JMY: variants seen among roughly 807,000 people sequenced by gnomAD.
JMY encodes junction-mediating and -regulatory protein.
JMY carries 46 observed loss-of-function variants against 103.3 expected under a neutral mutation model. The observed-to-expected ratio is 0.45, with a 90% CI of 0.35 to 0.57. JMY has a LOEUF of 0.57. Ranked by LOEUF, JMY falls within the 20% of genes least tolerant of loss-of-function variation. JMY has a pLI of 0.00. For missense variants in JMY, 1,238 were observed against 1,255.2 expected (o/e 0.99, Z 0.21); for synonymous variants, 526 against 489.3 (o/e 1.07, Z -0.99).
intron 2 of JMY, 92 bp from the exon 3 acceptor site, chr5:79,290,029 A>C: frequency 1.2e-6 from 1 of 844,062 alleles, no homozygotes; most frequent in South Asian, 2.7e-5. Context: ...AGGGAAGAAC[A>C]AGTATTCTTT....
chr5:79,242,684 A>G (rs1372251189), intron 1 of JMY, among the ~76,000 whole-genome samples: 3 of 152,140 alleles, frequency 2.0e-5, no homozygotes, highest in Non-Finnish European at 4.4e-5. Context: ...TTCTTAATCC[A>G]AGGGACTGTA....
intron 7 of JMY, among the ~76,000 whole-genome samples, chr5:79,307,997 A>G (rs1051312484): frequency 1.3e-5 from 2 of 152,216 alleles, no homozygotes; most frequent in East Asian, 1.9e-4. Flanking sequence ...TTGGCCTCCA[A>G]ATGTGCTGGG....
At chr5:79,260,014 C>T (rs1020801265) in intron 1 of JMY, among the ~76,000 whole-genome samples, 2 of 152,202 alleles carry the variant, frequency 1.3e-5, no homozygotes, top group Admixed American at 6.5e-5. Flanking sequence ...CCTCAGTGCC[C>T]GACTGTACTG....
At chr5:79,243,169 G>GAAGGGGC (rs112427722) in intron 1 of JMY, among the ~76,000 whole-genome samples, 1,943 of 151,874 alleles carry the variant, frequency 0.013, 40 homozygotes, top group African/African-American at 0.043. Context: ...TTATTTAACT[G>GAAGGGGC]AAGGGGCAAG....
chr5:79,251,818 A>T (rs1745092509), intron 1 of JMY, among the ~76,000 whole-genome samples: 1 of 151,998 alleles, frequency 6.6e-6, no homozygotes, highest in Admixed American at 6.6e-5. Context: ...CTTGTTGCCC[A>T]GGCTGGAGTG....
intron 1 of JMY, among the ~76,000 whole-genome samples, chr5:79,276,247 G>A (rs927138333): frequency 1.1e-4 from 16 of 151,444 alleles, no homozygotes; most frequent in African/African-American, 3.9e-4. Context: ...GCCTCCCAAG[G>A]AGCTGGGATT....
chr5:79,317,011 C>CGGCCTGG (rs1747249369), intron 10 of JMY, among the ~76,000 whole-genome samples: 1 of 151,404 alleles, frequency 6.6e-6, no homozygotes, highest in Non-Finnish European at 1.5e-5. Context: ...CGTTCAAATC[C>CGGCCTGG]GGCCTGGGCA....
chr5:79,246,861 G>T (rs1397009437), intron 1 of JMY, among the ~76,000 whole-genome samples: 20 of 151,328 alleles, frequency 1.3e-4, no homozygotes. Context: ...TAGCCTGGGC[G>T]ACAGAGCAAG....
At chr5:79,241,598 G>T (rs1424218365) in intron 1 of JMY, among the ~76,000 whole-genome samples, 1 of 152,186 alleles carries the variant, frequency 6.6e-6, no homozygotes, top group Non-Finnish European at 1.5e-5. Context: ...GGGGCGTCCT[G>T]CCGAGTTTTA....
intron 1 of JMY, among the ~76,000 whole-genome samples, chr5:79,260,296 G>A (rs1212771127): frequency 1.3e-5 from 2 of 152,156 alleles, no homozygotes; most frequent in Non-Finnish European, 2.9e-5. Flanking sequence ...GTTCAGTCAG[G>A]TGCCTCCAGG....
At position 79,270,612 on chromosome 5, in the gene JMY, ATGTT is replaced by A. The variant is rs557265894; in HGVS notation, c.1033-7296_1033-7293del. Among the ~76,000 whole-genome samples, 907 of 133,000 alleles carry A rather than the reference ATGTT, an allele frequency of 6.8e-3. 48 individuals are homozygous for A. The highest frequency in any genetic ancestry group is 0.014 in the South Asian group (61 of 4,286). The allele number at this position is 133,000 out of a possible 152,430, so 87.3% of individuals were successfully genotyped here. ...ATATTTAAAATGTATATTTACATAA[ATGTT>A]TATATAAAATATATTTACATAAATA... On this transcript the variant is annotated intron_variant, in intron 1 of 10. Coordinates refer to ENST00000396137, the MANE Select transcript of JMY (RefSeq NM_152405.5).
chr5:79,270,583 A>G (rs1745742246), intron 1 of JMY, among the ~76,000 whole-genome samples: 1 of 79,606 alleles, frequency 1.3e-5, no homozygotes, highest in Non-Finnish European at 3.1e-5. Flanking sequence ...GTATATTTAC[A>G]TAAATATTTA....
At position 79,314,592 on chromosome 5, in the gene JMY, A is replaced by G. The variant is rs1561315984; in HGVS notation, c.2400A>G (p.Ile800Met). The G allele has an allele frequency of 6.2e-7, 1 of 1,613,852 alleles. No homozygotes were observed. The highest frequency in any genetic ancestry group is 8.5e-7 in the Non-Finnish European group (1 of 1,179,894). Residue 800 changes from isoleucine (I) to methionine (M), a missense_variant, in exon 9 of 11, where the codon ATA (isoleucine) becomes ATG (methionine). Coordinates refer to ENST00000396137, the MANE Select transcript of JMY (RefSeq NM_152405.5). ...NNNLEPCSVT[I>M]NPLPSPLPPT... Reference sequence around the variant, plus strand: ...ACCTCGAACCATGTTCTGTTACCATAAATCCACTCCCATCCCCTCTTCCTC... The same window carrying G: ...ACCTCGAACCATGTTCTGTTACCATGAATCCACTCCCATCCCCTCTTCCTC...
chr5:79,300,920 C>T, intron 6 of JMY, 57 bp downstream of exon 6: 2 of 1,399,388 alleles, frequency 1.4e-6, no homozygotes, highest in Non-Finnish European at 1.9e-6. Context: ...CTACTAATCT[C>T]ATCTGTTTTG....
At chr5:79,252,699 A>T (rs1035427019) in intron 1 of JMY, among the ~76,000 whole-genome samples, 7 of 152,156 alleles carry the variant, frequency 4.6e-5, no homozygotes, top group African/African-American at 1.4e-4. Context: ...TGACCCCTTT[A>T]TCACTATATA....
intron 1 of JMY, among the ~76,000 whole-genome samples, chr5:79,275,386 C>T (rs1745910145): frequency 6.6e-6 from 1 of 152,114 alleles, no homozygotes; most frequent in Non-Finnish European, 1.5e-5. Context: ...TGTTGTCGAT[C>T]TCCTGACCTC....
At chr5:79,301,390 T>C (rs1746729739) in intron 6 of JMY, among the ~76,000 whole-genome samples, 1 of 152,170 alleles carries the variant, frequency 6.6e-6, no homozygotes, top group Non-Finnish European at 1.5e-5. Flanking sequence ...TGGAACTAGC[T>C]CTCCAACCTA....
Position 79,236,520 on chromosome 5 carries a change from G to T in JMY, c.-131G>T. 1 of 629,328 alleles carries T rather than the reference G, an allele frequency of 1.6e-6. No homozygotes were observed. Among genetic ancestry groups the T allele is most frequent in the Non-Finnish European group, 2.4e-6 (1 of 422,150 alleles). 39.0% of individuals were successfully genotyped at this position (629,328 alleles called of 1,614,324 possible). Reference sequence around the variant, plus strand: ...GGAGGGACAGGCGAACGAGCCGGGAGAGCCGGCCGGCGCACTAAGATGGCT... The same window carrying T: ...GGAGGGACAGGCGAACGAGCCGGGATAGCCGGCCGGCGCACTAAGATGGCT... On this transcript the variant is annotated 5_prime_UTR_variant, in exon 1 of 11. Coordinates refer to ENST00000396137, the MANE Select transcript of JMY (RefSeq NM_152405.5).
chr5:79,253,057 TTTTTGCGAATCCA>T lies in JMY; in HGVS notation c.1032+15378_1032+15390del, dbSNP rs1745135659. Among the ~76,000 whole-genome samples, 5 of 152,158 alleles carry T rather than the reference TTTTTGCGAATCCA, an allele frequency of 3.3e-5. No individual in the cohort carries two copies. The South Asian group carries it at 1.0e-3, about 32-fold the overall frequency. On this transcript the variant is annotated intron_variant, in intron 1 of 10. Transcript: ENST00000396137. Reference sequence around the variant, plus strand: ...ACTATTTAATTTCTTGATCTTTTTCTTTTTGCGAATCCATTGTATGTTTTTTATGTTTTTTGGT... The same window carrying T: ...ACTATTTAATTTCTTGATCTTTTTCTTTGTATGTTTTTTATGTTTTTTGGT...
Sources: gnomAD v4.1 joint callset for allele counts (sites outside exome capture counted in the v4.1 genomes callset) on GRCh38, gnomAD v4.1.1 for gene constraint, MANE v1.5 for transcripts, NCBI Gene and HGNC (gene_info 2026-07-23, HGNC 2026-07-21) for gene names.